MPDZ: variants seen among roughly 807,000 people sequenced by gnomAD.
MPDZ encodes multiple PDZ domain protein.
In MPDZ, 234 loss-of-function variants were observed where a neutral mutation model predicts 239.1. That is an observed-to-expected ratio of 0.98 (90% CI 0.88 to 1.09). The LOEUF (loss-of-function observed/expected upper bound fraction) is 1.09. Among genes scored for constraint, MPDZ ranks in the 50% least tolerant of loss-of-function variants. MPDZ has a pLI of 0.00. For missense variants in MPDZ, 3,175 were observed against 2,510.0 expected (o/e 1.26, Z -5.66); for synonymous variants, 1,048 against 881.3 (o/e 1.19, Z -3.35).
chr9:13,170,254 A>T (rs1951615827), intron 21 of MPDZ, among the ~76,000 whole-genome samples: 2 of 152,162 alleles, frequency 1.3e-5, no homozygotes, highest in South Asian at 4.1e-4. Flanking sequence ...ATACCAAATT[A>T]GATATGATAT....
At chr9:13,131,991 T>C (rs974783138) in intron 32 of MPDZ, among the ~76,000 whole-genome samples, 1 of 152,220 alleles carries the variant, frequency 6.6e-6, no homozygotes, top group African/African-American at 2.4e-5. Context: ...GATTCTTGTA[T>C]GTTCCCCTTA....
intron 35 of MPDZ, among the ~76,000 whole-genome samples, chr9:13,124,721 T>G (rs1396035038): frequency 1.3e-5 from 2 of 152,158 alleles, no homozygotes; most frequent in African/African-American, 4.8e-5. Flanking sequence ...TGGCAATGAC[T>G]AAAGAGTTTC....
chr9:13,200,368 T>C (rs1295249293), intron 12 of MPDZ, among the ~76,000 whole-genome samples: 1 of 151,982 alleles, frequency 6.6e-6, no homozygotes, highest in Non-Finnish European at 1.5e-5. Flanking sequence ...GAGGATTTCA[T>C]TTACCTTTAC....
intron 24 of MPDZ, among the ~76,000 whole-genome samples, chr9:13,157,394 A>C (rs1202139088): frequency 6.6e-6 from 1 of 152,160 alleles, no homozygotes; most frequent in Non-Finnish European, 1.5e-5. Flanking sequence ...CTTGTTATTC[A>C]CAAAATCATT....
intron 40 of MPDZ, 49 bp downstream of exon 40, chr9:13,115,199 C>T: frequency 1.3e-6 from 2 of 1,521,220 alleles, no homozygotes; most frequent in Non-Finnish European, 9.1e-7. Flanking sequence ...TCTATGTGTC[C>T]TCTTGGCATG....
At chr9:13,174,516 C>T (rs1231923191) in intron 21 of MPDZ, among the ~76,000 whole-genome samples, 1 of 152,094 alleles carries the variant, frequency 6.6e-6, no homozygotes, top group African/African-American at 2.4e-5. Flanking sequence ...ACAATGCACA[C>T]TGGAGTATAA....
At chr9:13,250,464 T>G in intron 1 of MPDZ, 92 bp from the exon 2 acceptor site, 1 of 649,132 alleles carries the variant, frequency 1.5e-6, no homozygotes, top group Non-Finnish European at 2.6e-6. Context: ...CAACTCTAAT[T>G]CCTTTGACCA....
chr9:13,147,453 A>C, intron 26 of MPDZ, 95 bp downstream of exon 26: 1 of 884,056 alleles, frequency 1.1e-6, no homozygotes, highest in Non-Finnish European at 1.9e-6. Context: ...AAAAATCACT[A>C]TCTTTACTCA....
intron 40 of MPDZ, 92 bp from the exon 41 acceptor site, chr9:13,114,113 C>A (rs1942969392): frequency 1.5e-5 from 14 of 964,662 alleles, no homozygotes; most frequent in Non-Finnish European, 2.0e-5. Context: ...GAGACAGATA[C>A]CTGTTAAGCA....
At chr9:13,130,455 T>C (rs912588173) in intron 32 of MPDZ, among the ~76,000 whole-genome samples, 1 of 1,016 alleles carries the variant, frequency 9.8e-4, no homozygotes, top group Non-Finnish European at 0.015. Flanking sequence ...TCGCAGATAC[T>C]TACAGTCTGA....
At chr9:13,139,734 T>C (rs1947355242) in intron 28 of MPDZ, among the ~76,000 whole-genome samples, 1 of 152,194 alleles carries the variant, frequency 6.6e-6, no homozygotes, top group Non-Finnish European at 1.5e-5. Flanking sequence ...GAGAGTGCCC[T>C]GTCCTTATTA....
In MPDZ at chr9:13,150,496, C is replaced by T. The variant is rs750301465; in HGVS notation, c.3630+15G>A. On this transcript the variant is annotated intron_variant, in intron 25 of 46. Transcript: ENST00000319217. ...AACAAACAAATTTTAGCACAGAAAG[C>T]TCACTAGAGGGTACCTCTACGATTC... 1.0e-5 allele frequency: 15 copies of T among 1,469,862 alleles called. No individual in the cohort carries two copies. Among genetic ancestry groups the T allele is most frequent in the Middle Eastern group, 1.8e-4 (1 of 5,526 alleles). The allele number at this position is 1,469,862 out of a possible 1,614,324, so 91.1% of individuals were successfully genotyped here. A position where few individuals can be genotyped will look rare whatever the true frequency, so the allele number is the denominator to read the frequency against.
chr9:13,172,917 A>C (rs1951978466), intron 21 of MPDZ, among the ~76,000 whole-genome samples: 1 of 152,236 alleles, frequency 6.6e-6, no homozygotes, highest in East Asian at 1.9e-4. Flanking sequence ...ATAAATAAAC[A>C]AAGTATAGTG....
At chr9:13,256,630 G>A (rs1396533060) in intron 1 of MPDZ, among the ~76,000 whole-genome samples, 4 of 152,190 alleles carry the variant, frequency 2.6e-5, no homozygotes, top group Admixed American at 6.5e-5. Context: ...CGTTGATGGA[G>A]CAGTTGGAAC....
intron 19 of MPDZ, among the ~76,000 whole-genome samples, chr9:13,178,216 G>A (rs1224149482): frequency 6.9e-6 from 1 of 145,878 alleles, no homozygotes; most frequent in African/African-American, 2.5e-5. Flanking sequence ...CCCAGATTGT[G>A]CCACTGCACT....
At chr9:13,167,763 C>G (rs1951257362) in intron 22 of MPDZ, among the ~76,000 whole-genome samples, 1 of 152,046 alleles carries the variant, frequency 6.6e-6, no homozygotes, top group Non-Finnish European at 1.5e-5. Context: ...AAAAAACAAA[C>G]CACATATATG....
chr9:13,134,150 G>T (rs1946410934), intron 31 of MPDZ: 1 of 179,822 alleles, frequency 5.6e-6, no homozygotes, highest in Non-Finnish European at 1.1e-5. Context: ...GGTGTAACTG[G>T]ACAGCAATCA....
intron 12 of MPDZ, among the ~76,000 whole-genome samples, chr9:13,198,044 C>G (rs1331520131): frequency 1.3e-5 from 2 of 152,124 alleles, no homozygotes; most frequent in Non-Finnish European, 2.9e-5. Context: ...GTGAACAGAA[C>G]AGCAATGAAC....
chr9:13,154,476 C>T (rs1949582746), intron 24 of MPDZ, among the ~76,000 whole-genome samples: 2 of 152,250 alleles, frequency 1.3e-5, no homozygotes, highest in African/African-American at 2.4e-5. Flanking sequence ...TCTTTTGCTA[C>T]TTAATGATTA....
Sources: allele counts gnomAD v4.1 joint callset (sites outside exome capture counted in the v4.1 genomes callset), GRCh38; gene constraint gnomAD v4.1.1; transcripts MANE v1.5; gene names NCBI Gene and HGNC (gene_info 2026-07-23, HGNC 2026-07-21).